Variants in ARHGAP44 observed in about 807,000 individuals in gnomAD.
ARHGAP44 encodes Rho GTPase activating protein 44, also known as rho GTPase-activating protein 44.
Under a neutral mutation model 106.8 loss-of-function variants are expected in ARHGAP44, and 43 were observed. The ratio of observed to expected loss-of-function variants is 0.40; its 90% CI spans 0.32 to 0.52. The LOEUF (loss-of-function observed/expected upper bound fraction) is 0.52. ARHGAP44 is among the 20% of genes least tolerant of loss of function. The probability of loss-of-function intolerance (pLI) is 0.48; values close to 1 mark genes in which losing one functional copy is unlikely to be tolerated. For missense variants in ARHGAP44, 866 were observed against 1,050.5 expected, an observed-to-expected ratio of 0.82 and a Z score of 2.43; for synonymous variants, 439 against 410.3, an observed-to-expected ratio of 1.07 and a Z score of -0.85.
At chr17:12,921,085 A>G (rs1331080214) in intron 6 of ARHGAP44, among the ~76,000 whole-genome samples, 3 of 151,826 alleles carry the variant, frequency 2.0e-5, no homozygotes, top group Non-Finnish European at 4.4e-5. Context: ...TTTATTTTTG[A>G]GATGAAGATT....
At chr17:12,953,631 C>T (rs1312040989) in intron 13 of ARHGAP44, among the ~76,000 whole-genome samples, 1 of 152,216 alleles carries the variant, frequency 6.6e-6, no homozygotes, top group Admixed American at 6.5e-5. Context: ...TGTCCGTCTA[C>T]AGATAAGTGG....
chr17:12,802,624 C>T (rs946265709), intron 1 of ARHGAP44, among the ~76,000 whole-genome samples: 3 of 151,996 alleles, frequency 2.0e-5, no homozygotes, highest in African/African-American at 7.2e-5. Context: ...TGCTGTTTAA[C>T]ATACCCAGTT....
chr17:12,794,847 C>T (rs915882304), intron 1 of ARHGAP44, among the ~76,000 whole-genome samples: 18 of 152,162 alleles, frequency 1.2e-4, no homozygotes, highest in African/African-American at 4.3e-4. Flanking sequence ...GAGGCTGCAG[C>T]AGCCTCTAGG....
rs114790645 is a variant in ARHGAP44, at chr17:12,845,972, C to T, written c.54-48968C>T. ...AGGAAGTACACATAAGACAGGGTTCCGGTATTAAAAAATCTATTTAGGAAA... is the reference window on the plus strand; with the variant it reads ...AGGAAGTACACATAAGACAGGGTTCTGGTATTAAAAAATCTATTTAGGAAA... On this transcript the variant is annotated intron_variant, in intron 1 of 20. Coordinates refer to ENST00000379672, the MANE Select transcript of ARHGAP44 (RefSeq NM_014859.6). Among the ~76,000 whole-genome samples the T allele has an allele frequency of 5.8e-3, 887 of 151,900 alleles. 13 individuals are homozygous for T. The highest frequency in any genetic ancestry group is 0.02 in the African/African-American group (834 of 41,400).
chr17:12,991,296 A>C lies in ARHGAP44; in HGVS notation c.*1125A>C, dbSNP rs1055865598. Reference sequence around the variant, plus strand: ...CAAAGTTTAAAATTTTATCCTTTTCAAATAGATGATATAATATACCTATAC... The same window carrying C: ...CAAAGTTTAAAATTTTATCCTTTTCCAATAGATGATATAATATACCTATAC... On this transcript the variant is annotated 3_prime_UTR_variant, in exon 21 of 21. Coordinates refer to ENST00000379672, the MANE Select transcript of ARHGAP44 (RefSeq NM_014859.6). The C allele has an allele frequency of 1.3e-5, 2 of 152,708 alleles. No individual in the cohort carries two copies. Among genetic ancestry groups the C allele is most frequent in the Admixed American group, 6.5e-5 (1 of 15,288 alleles). 9.5% of individuals were successfully genotyped at this position (152,708 alleles called of 1,614,324 possible). A position where few individuals can be genotyped will look rare whatever the true frequency, so the allele number is the denominator to read the frequency against.
rs369850687 is a variant in ARHGAP44 at position 12,936,046 on chromosome 17, T to G, written c.583-5010T>G. On this transcript the variant is annotated intron_variant, in intron 7 of 20. Transcript: ENST00000379672. The stretch of plus-strand genomic sequence containing the variant: ...CGTTCTTAAATCAGTAAACTTTATT[T>G]TTTAGAGCACTTCTAATTTTGCAGC... 1.3e-3 allele frequency among the ~76,000 whole-genome samples: 202 copies of G among 152,326 alleles called. 7 individuals are homozygous for G. In the South Asian group the frequency reaches 0.04, roughly 30 times the overall value.
chr17:12,969,868 C>T (rs1259662645), intron 16 of ARHGAP44, among the ~76,000 whole-genome samples: 2 of 152,148 alleles, frequency 1.3e-5, no homozygotes, highest in South Asian at 4.1e-4. Context: ...GTATTAGCTC[C>T]ATTCTATGGG....
intron 1 of ARHGAP44, among the ~76,000 whole-genome samples, chr17:12,887,373 C>T (rs774720935): frequency 6.3e-4 from 96 of 152,096 alleles, no homozygotes; most frequent in Non-Finnish European, 9.7e-4. Context: ...GGACTACAGG[C>T]ATGTACTACC....
At chr17:12,977,896 G>A (rs141108593) in intron 18 of ARHGAP44, among the ~76,000 whole-genome samples, 2 of 152,074 alleles carry the variant, frequency 1.3e-5, no homozygotes, top group East Asian at 1.9e-4. Context: ...AAATTAGCTG[G>A]GTGTGGTGGC....
chr17:12,833,476 A>G (rs2035147328), intron 1 of ARHGAP44, among the ~76,000 whole-genome samples: 3 of 152,004 alleles, frequency 2.0e-5, no homozygotes, highest in African/African-American at 4.8e-5. Flanking sequence ...ACATTTCCCC[A>G]AGGATGTTTC....
At chr17:12,825,931 T>C (rs2150804187) in intron 1 of ARHGAP44, among the ~76,000 whole-genome samples, 1 of 152,360 alleles carries the variant, frequency 6.6e-6, no homozygotes, top group South Asian at 2.1e-4. Flanking sequence ...CTGTAGCCAA[T>C]GCCAGTGAGT....
chr17:12,926,103 G>A (rs1008337732), intron 6 of ARHGAP44, among the ~76,000 whole-genome samples: 2 of 152,030 alleles, frequency 1.3e-5, no homozygotes, highest in African/African-American at 4.8e-5. Flanking sequence ...GGTGGCTCAC[G>A]CCTATAATCC....
chr17:12,799,151 G>A (rs549920530), intron 1 of ARHGAP44, among the ~76,000 whole-genome samples: 3 of 152,264 alleles, frequency 2.0e-5, no homozygotes, highest in East Asian at 3.9e-4. Context: ...CAGCACATAT[G>A]TTTTCTAGTA....
Position 12,894,926 on chromosome 17 carries a change from A to G in ARHGAP44, c.54-14A>G, listed in dbSNP as rs999844060. 7 of 1,578,646 alleles carry G rather than the reference A, an allele frequency of 4.4e-6. No homozygotes were observed. In the South Asian group the frequency reaches 4.7e-5, roughly 10 times the overall value. On this transcript the variant is annotated splice_polypyrimidine_tract_variant and intron_variant, in intron 1 of 20. Coordinates refer to ENST00000379672, the MANE Select transcript of ARHGAP44 (RefSeq NM_014859.6). ...TAGTTTTGTTACTGATATGTTTCTC[A>G]ATGTTCTTTTTAGGGCTGAAAAGAC...
chr17:12,916,060 A>G (rs1220555213), intron 5 of ARHGAP44, 49 bp downstream of exon 5: 20 of 1,424,042 alleles, frequency 1.4e-5, no homozygotes, highest in Non-Finnish European at 2.0e-5. Flanking sequence ...GAGGTACCGA[A>G]CAGGAGCCCC....
intron 18 of ARHGAP44, among the ~76,000 whole-genome samples, chr17:12,975,238 G>C (rs901520887): frequency 6.6e-6 from 1 of 152,160 alleles, no homozygotes; most frequent in Non-Finnish European, 1.5e-5. Flanking sequence ...CCACGGATAA[G>C]GGGGACTACT....
chr17:12,845,517 A>AAAAAC (rs562168894), intron 1 of ARHGAP44, among the ~76,000 whole-genome samples: 1,752 of 141,992 alleles, frequency 0.012, 50 homozygotes, highest in African/African-American at 0.045. Context: ...AAAAAAAAAA[A>AAAAAC]AAAAACAAAA....
chr17:12,974,383 G>A (rs2039617547), intron 18 of ARHGAP44, 73 bp downstream of exon 18: 1 of 1,247,214 alleles, frequency 8.0e-7, no homozygotes, highest in Non-Finnish European at 1.0e-6. Flanking sequence ...CCGCACTGGA[G>A]GCCTCTTGGA....
intron 1 of ARHGAP44, among the ~76,000 whole-genome samples, chr17:12,808,924 C>T (rs2034358663): frequency 6.6e-6 from 1 of 152,198 alleles, no homozygotes; most frequent in South Asian, 2.1e-4. Flanking sequence ...TTTGTGAATA[C>T]ATAAAACTGA....
Sources: allele counts gnomAD v4.1 joint callset (sites outside exome capture counted in the v4.1 genomes callset), GRCh38; gene constraint gnomAD v4.1.1; transcripts MANE v1.5; gene names NCBI Gene and HGNC (gene_info 2026-07-23, HGNC 2026-07-21).